The following AFG1L variants were observed in gnomAD, a reference collection of about 807,000 sequenced individuals.
AFG1L encodes AFG1 like ATPase, also known as AFG1-like ATPase.
A neutral mutation model predicts 62.2 loss-of-function variants in AFG1L; 53 were observed. The ratio of observed to expected loss-of-function variants is 0.85; its 90% CI spans 0.68 to 1.07. The LOEUF (loss-of-function observed/expected upper bound fraction) is 1.07, where lower values mean the gene tolerates loss of function less well. Ranked by LOEUF, AFG1L falls within the 50% of genes least tolerant of loss-of-function variation. AFG1L has a pLI of 0.00. For missense variants in AFG1L, 555 were observed against 590.5 expected (o/e 0.94, Z 0.62); for synonymous variants, 228 against 210.3 (o/e 1.08, Z -0.73).
intron 1 of AFG1L, among the ~76,000 whole-genome samples, chr6:108,320,201 T>A (rs937959832): frequency 6.6e-6 from 1 of 152,122 alleles, no homozygotes; most frequent in Non-Finnish European, 1.5e-5. Flanking sequence ...AGTGGTAAAT[T>A]TGGCACAGTG....
At chr6:108,414,931 C>T (rs944133802) in intron 7 of AFG1L, among the ~76,000 whole-genome samples, 28 of 152,018 alleles carry the variant, frequency 1.8e-4, no homozygotes, top group Non-Finnish European at 3.8e-4. Flanking sequence ...GGCAATCAGG[C>T]AAGGGAAAGA....
At chr6:108,499,708 G>A (rs182496899) in intron 10 of AFG1L, among the ~76,000 whole-genome samples, 5 of 151,816 alleles carry the variant, frequency 3.3e-5, no homozygotes, top group African/African-American at 1.2e-4. Context: ...CTGAGATCAC[G>A]CCACTGCACT....
chr6:108,494,112 A>G (rs1773876471), intron 10 of AFG1L, among the ~76,000 whole-genome samples: 7 of 152,008 alleles, frequency 4.6e-5, no homozygotes, highest in Admixed American at 4.6e-4. Context: ...GTGAGTCACC[A>G]CACCTGGCGT....
chr6:108,326,250 T>G (rs1295337937), intron 2 of AFG1L, among the ~76,000 whole-genome samples: 2 of 152,174 alleles, frequency 1.3e-5, no homozygotes, highest in Non-Finnish European at 2.9e-5. Flanking sequence ...TTTTTAATTT[T>G]TTTGTAGAGA....
At chr6:108,387,814 A>G (rs1434189132) in intron 6 of AFG1L, 1 of 152,236 alleles carries the variant, frequency 6.6e-6, no homozygotes, top group Non-Finnish European at 1.5e-5. Context: ...GAAGTCAGAG[A>G]AAGATGCTAC....
chr6:108,363,408 T>C (rs1779622305), intron 5 of AFG1L, among the ~76,000 whole-genome samples: 3 of 152,208 alleles, frequency 2.0e-5, no homozygotes, highest in Non-Finnish European at 2.9e-5. Flanking sequence ...ATTTCAGTTT[T>C]ACCTGAGGTG....
chr6:108,420,747 A>G (rs1562150151), intron 7 of AFG1L, among the ~76,000 whole-genome samples: 1 of 152,084 alleles, frequency 6.6e-6, no homozygotes. Flanking sequence ...TTCGCGACAT[A>G]TGTAAATTAT....
In AFG1L at chr6:108,337,442, C is replaced by G. The variant is rs528493938; in HGVS notation, c.364-9546C>G. On this transcript the variant is annotated intron_variant, in intron 2 of 12. Coordinates refer to ENST00000368977, the MANE Select transcript of AFG1L (RefSeq NM_145315.5). ...GTTTTATTATTTGTGCTTTGTCCCCCCTTCTATTCCGTGAGTTCCTTGGAA... is the reference window on the plus strand; with the variant it reads ...GTTTTATTATTTGTGCTTTGTCCCCGCTTCTATTCCGTGAGTTCCTTGGAA... Among the ~76,000 whole-genome samples, 4 of 152,266 alleles carry G rather than the reference C, an allele frequency of 2.6e-5. No individual in the cohort carries two copies. The South Asian group carries it at 6.2e-4, about 24-fold the overall frequency.
At chr6:108,323,798 T>C in intron 1 of AFG1L, 27 bp from the exon 2 acceptor site, 1 of 1,540,802 alleles carries the variant, frequency 6.5e-7, no homozygotes, top group South Asian at 1.1e-5. Context: ...TTTAAGAAAG[T>C]CTAAAATTTT....
chr6:108,516,681 G>T (rs1562208048), intron 11 of AFG1L, among the ~76,000 whole-genome samples: 2 of 152,124 alleles, frequency 1.3e-5, no homozygotes, highest in Non-Finnish European at 2.9e-5. Context: ...GAAATAAAGG[G>T]TATTCAATTC....
At chr6:108,314,939 A>C (rs1413344720) in intron 1 of AFG1L, among the ~76,000 whole-genome samples, 2 of 151,994 alleles carry the variant, frequency 1.3e-5, no homozygotes, top group African/African-American at 2.4e-5. Context: ...CCTGGGTTCA[A>C]GTGATTCTTG....
intron 2 of AFG1L, among the ~76,000 whole-genome samples, chr6:108,342,626 C>T (rs554926166): frequency 6.6e-6 from 1 of 151,996 alleles, no homozygotes; most frequent in South Asian, 2.1e-4. Context: ...TGATTTTTCC[C>T]TTAAGACATA....
At chr6:108,394,554 A>G (rs906029827) in intron 6 of AFG1L, among the ~76,000 whole-genome samples, 2 of 152,080 alleles carry the variant, frequency 1.3e-5, no homozygotes, top group East Asian at 1.9e-4. Context: ...CTAGAGTTTT[A>G]TATAAATGGA....
intron 1 of AFG1L, among the ~76,000 whole-genome samples, chr6:108,319,272 G>A (rs1049849162): frequency 6.6e-6 from 1 of 151,934 alleles, no homozygotes. Context: ...ACAGGGTCTC[G>A]TTCTGTCACC....
chr6:108,462,375 G>T (rs1300556119), intron 8 of AFG1L, among the ~76,000 whole-genome samples: 3 of 152,100 alleles, frequency 2.0e-5, no homozygotes, highest in Non-Finnish European at 4.4e-5. Flanking sequence ...CTGCACTCCA[G>T]CCTGGGTGAC....
intron 8 of AFG1L, among the ~76,000 whole-genome samples, chr6:108,471,386 C>T (rs1772886385): frequency 6.6e-6 from 1 of 151,910 alleles, no homozygotes; most frequent in African/African-American, 2.4e-5. Flanking sequence ...TTGGATCTCC[C>T]ATCACTCCTA....
intron 1 of AFG1L, among the ~76,000 whole-genome samples, chr6:108,323,387 C>G (rs1185594084): frequency 6.6e-6 from 1 of 151,294 alleles, no homozygotes; most frequent in Non-Finnish European, 1.5e-5. Flanking sequence ...TTTTTGAGAC[C>G]GAGTGTCACT....
intron 10 of AFG1L, among the ~76,000 whole-genome samples, chr6:108,508,885 CA>C (rs1774526405): frequency 6.6e-6 from 1 of 152,150 alleles, no homozygotes; most frequent in Admixed American, 6.5e-5. Context: ...CATTTCTGGA[CA>C]GGGAGGAATA....
At chr6:108,395,761 TGAGGGAGGGAGGGAGATAGGTAGA>T (rs1300309516) in intron 6 of AFG1L, among the ~76,000 whole-genome samples, 2 of 142,650 alleles carry the variant, frequency 1.4e-5, no homozygotes, top group Non-Finnish European at 3.0e-5. Context: ...AGAATGACCT[TGAGGGAGGGAGGGAGATAGGTAGA>T]GAGGGAGGGA....
Sources: gnomAD v4.1 joint callset for allele counts (sites outside exome capture counted in the v4.1 genomes callset) on GRCh38, gnomAD v4.1.1 for gene constraint, MANE v1.5 for transcripts, NCBI Gene and HGNC (gene_info 2026-07-23, HGNC 2026-07-21) for gene names.